Variants in NHEJ1 observed in about 807,000 individuals in gnomAD.
The protein encoded by NHEJ1 is non-homologous end-joining factor 1.
Under a neutral mutation model 39.4 loss-of-function variants are expected in NHEJ1, and 22 were observed. That is an observed-to-expected ratio of 0.56 (90% CI 0.40 to 0.80). The LOEUF (loss-of-function observed/expected upper bound fraction) is 0.80. Among genes scored for constraint, NHEJ1 ranks in the 30% least tolerant of loss-of-function variants. The pLI, the probability that NHEJ1 is intolerant of heterozygous loss-of-function variation, is 0.00. For synonymous variants in NHEJ1, 154 were observed against 135.6 expected, an observed-to-expected ratio of 1.14 and a Z score of -0.94; for missense variants, 329 against 357.1, an observed-to-expected ratio of 0.92 and a Z score of 0.63.
chr2:219,099,203 G>A (rs1294928766), intron 5 of NHEJ1, among the ~76,000 whole-genome samples: 1 of 152,210 alleles, frequency 6.6e-6, no homozygotes, highest in Non-Finnish European at 1.5e-5. Context: ...CTAGAACAGA[G>A]CTTCTCAACA....
At chr2:219,096,325 C>T (rs1949208292) in intron 5 of NHEJ1, among the ~76,000 whole-genome samples, 1 of 152,176 alleles carries the variant, frequency 6.6e-6, no homozygotes, top group South Asian at 2.1e-4. Context: ...ACTCAATTGA[C>T]TCAGATTTTC....
In NHEJ1 at chr2:219,074,787, G is replaced by C. The variant is rs1385164560; in HGVS notation, c.*1594C>G. Among the ~76,000 whole-genome samples, 1 of 151,874 alleles carries C rather than the reference G, an allele frequency of 6.6e-6. No individual in the cohort carries two copies. The highest frequency in any genetic ancestry group is 1.5e-5 in the Non-Finnish European group (1 of 67,962). ...AAGAGCAAAGTAAGCCAGCTGATAG[G>C]CTGTTTTTATATAGTTCCCAATTCA... On this transcript the variant is annotated 3_prime_UTR_variant, in exon 8 of 8. Coordinates refer to ENST00000356853, the MANE Select transcript of NHEJ1 (RefSeq NM_024782.3).
In NHEJ1 at chr2:219,075,482, C is replaced by T. The variant is rs897392497; in HGVS notation, c.*899G>A. 7.9e-5 allele frequency: 12 copies of T among 152,152 alleles called. No individual in the cohort carries two copies. Among genetic ancestry groups the T allele is most frequent in the Non-Finnish European group, 1.6e-4 (11 of 68,044 alleles). 9.4% of individuals were successfully genotyped at this position (152,152 alleles called of 1,614,324 possible). On this transcript the variant is annotated 3_prime_UTR_variant, in exon 8 of 8. Coordinates refer to ENST00000356853, the MANE Select transcript of NHEJ1 (RefSeq NM_024782.3). ...CAGAAATTGGATAGGCGTGGTAGCT[C>T]ATGCCTGTAATCCCAGCACTTTGGG...
intron 5 of NHEJ1, among the ~76,000 whole-genome samples, chr2:219,101,789 G>A (rs529995408): frequency 2.1e-4 from 31 of 147,692 alleles, no homozygotes; most frequent in African/African-American, 7.5e-4. Context: ...GCAGTGGCGC[G>A]ATCTCAGCTC....
At chr2:219,117,920 TG>T (rs1261893712) in intron 5 of NHEJ1, among the ~76,000 whole-genome samples, 4 of 152,242 alleles carry the variant, frequency 2.6e-5, no homozygotes, top group African/African-American at 9.6e-5. Flanking sequence ...TTATTTGGGA[TG>T]TTAGACATCC....
chr2:219,089,200 T>C (rs1472729735), intron 5 of NHEJ1, among the ~76,000 whole-genome samples: 1 of 152,138 alleles, frequency 6.6e-6, no homozygotes, highest in Non-Finnish European at 1.5e-5. Flanking sequence ...ATGTTAAGCA[T>C]AGAGTTACTA....
At chr2:219,087,144 G>T (rs137860665) in intron 5 of NHEJ1, among the ~76,000 whole-genome samples, 126 of 152,260 alleles carry the variant, frequency 8.3e-4, no homozygotes, top group African/African-American at 3.0e-3. Flanking sequence ...AAGGGGCTCC[G>T]ACCAGCCTAG....
intron 5 of NHEJ1, among the ~76,000 whole-genome samples, chr2:219,142,214 G>C (rs1033899700): frequency 9.5e-5 from 4 of 42,264 alleles, no homozygotes; most frequent in Admixed American, 2.4e-4. Flanking sequence ...CTGCAGGGAA[G>C]AGAAGAGAAG....
intron 4 of NHEJ1, among the ~76,000 whole-genome samples, 170 bp downstream of exon 4, chr2:219,147,483 AAAAC>A (rs1949752349): frequency 6.6e-6 from 1 of 152,266 alleles, no homozygotes; most frequent in Non-Finnish European, 1.5e-5. Flanking sequence ...CTCCGTCTCC[AAAAC>A]AAACAAACAA....
chr2:219,108,644 C>A (rs1949335221), intron 5 of NHEJ1, among the ~76,000 whole-genome samples: 1 of 152,102 alleles, frequency 6.6e-6, no homozygotes, highest in South Asian at 2.1e-4. Flanking sequence ...AGACAGAGGA[C>A]CTGAATAAGA....
rs1347420508 is a variant in NHEJ1 at position 219,146,674 on chromosome 2, C to T, written c.588+6G>A. ...AAGACACACAAGAAAATGACAAATA[C>T]CTTACCTCTATCATAAATTGTTCCA... On this transcript the variant is annotated splice_donor_region_variant and intron_variant, in intron 5 of 7. Transcript: ENST00000356853. 6.2e-7 allele frequency: 1 copy of T among 1,605,962 alleles called. No homozygotes were observed. The highest frequency in any genetic ancestry group is 8.5e-7 in the Non-Finnish European group (1 of 1,172,662).
At chr2:219,124,732 T>G (rs1204935829) in intron 5 of NHEJ1, 2 of 151,758 alleles carry the variant, frequency 1.3e-5, no homozygotes, top group African/African-American at 4.8e-5. Flanking sequence ...ATTTTAAAAT[T>G]TTCTATTACC....
chr2:219,077,559 A>C (rs994976733), intron 6 of NHEJ1, among the ~76,000 whole-genome samples, 195 bp from the exon 7 acceptor site: 1 of 152,156 alleles, frequency 6.6e-6, no homozygotes, highest in African/African-American at 2.4e-5. Context: ...CCCCAGGCCC[A>C]CTTTCAGCAG....
chr2:219,096,894 A>G (rs951635072), intron 5 of NHEJ1, among the ~76,000 whole-genome samples: 1 of 152,182 alleles, frequency 6.6e-6, no homozygotes, highest in Non-Finnish European at 1.5e-5. Flanking sequence ...AGTAAAATGG[A>G]ATCCCTTGCA....
intron 5 of NHEJ1, among the ~76,000 whole-genome samples, chr2:219,092,271 G>A (rs552578216): frequency 7.3e-5 from 11 of 151,000 alleles, no homozygotes; most frequent in Admixed American, 3.3e-4. Context: ...TCCAGCCTGA[G>A]TGACAGAGTG....
chr2:219,153,512 C>G (rs1432400989), intron 3 of NHEJ1, among the ~76,000 whole-genome samples: 1 of 152,204 alleles, frequency 6.6e-6, no homozygotes, highest in Non-Finnish European at 1.5e-5. Context: ...GAGATGAAGT[C>G]TGTCCTAAAT....
At position 219,072,118 on chromosome 2, in the gene NHEJ1, C is replaced by G. The variant is rs1241295605; in HGVS notation, c.*4263G>C. Among the ~76,000 whole-genome samples the G allele has an allele frequency of 6.6e-6, 1 of 152,202 alleles. No individual in the cohort carries two copies. Among genetic ancestry groups the G allele is most frequent in the Non-Finnish European group, 1.5e-5 (1 of 68,030 alleles). On this transcript the variant is annotated 3_prime_UTR_variant, in exon 8 of 8. Coordinates refer to ENST00000356853, the MANE Select transcript of NHEJ1 (RefSeq NM_024782.3). ...GTCCCTCTTCCTCACATAAGACAAG[C>G]TACCTCATACCCTCCATGCACTGGA... is the stretch of plus-strand genomic sequence containing the variant.
chr2:219,147,559 G>A, intron 4 of NHEJ1, 98 bp downstream of exon 4: 10 of 1,452,668 alleles, frequency 6.9e-6, no homozygotes, highest in Admixed American at 1.7e-5. Context: ...CATCCTGGGG[G>A]AGGCACTTCT....
chr2:219,158,637 C>T (rs1192972822), intron 1 of NHEJ1, among the ~76,000 whole-genome samples: 1 of 152,090 alleles, frequency 6.6e-6, no homozygotes, highest in Non-Finnish European at 1.5e-5. Flanking sequence ...GTTTAAACCT[C>T]AGCATATTGC....
Sources: gnomAD v4.1 joint callset for allele counts (sites outside exome capture counted in the v4.1 genomes callset) on GRCh38, gnomAD v4.1.1 for gene constraint, MANE v1.5 for transcripts, NCBI Gene and HGNC (gene_info 2026-07-23, HGNC 2026-07-21) for gene names.